Variants in RGMB observed in about 807,000 individuals in gnomAD.
RGMB encodes repulsive guidance molecule BMP co-receptor b.
RGMB carries 16 observed loss-of-function variants against 26.9 expected under a neutral mutation model. The observed-to-expected ratio is 0.60, with a 90% CI of 0.40 to 0.90. The LOEUF (loss-of-function observed/expected upper bound fraction) is 0.90. Ranked by LOEUF, RGMB falls within the 40% of genes least tolerant of loss-of-function variation. The pLI is 0.00. For missense variants in RGMB, 512 were observed against 573.3 expected (o/e 0.89, Z 1.09); for synonymous variants, 225 against 229.3 (o/e 0.98, Z 0.17).
At chr5:98,781,105 T>C (rs1746588954) in intron 2 of RGMB, 1 of 152,238 alleles carries the variant, frequency 6.6e-6, no homozygotes, top group Non-Finnish European at 1.5e-5. Context: ...ACGACTGTTC[T>C]CTTGATTCCA....
chr5:98,779,868 A>G lies in RGMB; in HGVS notation c.425A>G (p.His142Arg). The change falls in exon 2 of 3, where the codon CAC (histidine) becomes CGC (arginine). Residue 142 changes from histidine to arginine, a missense_variant. Transcript: ENST00000513185. The stretch of plus-strand genomic sequence containing the variant: ...GTGACCCATGATCCTTGCAACTATC[A>G]CAGCCACGCTGGAGCCAGGGAACAC... ...PEVTHDPCNY[H>R]SHAGAREHRR... 1 of 1,614,016 alleles carries G rather than the reference A, an allele frequency of 6.2e-7. No individual in the cohort carries two copies. Among genetic ancestry groups the G allele is most frequent in the Non-Finnish European group, 8.5e-7 (1 of 1,179,872 alleles).
intron 2 of RGMB, among the ~76,000 whole-genome samples, chr5:98,782,383 TAA>T (rs1277092592): frequency 6.6e-6 from 1 of 152,090 alleles, no homozygotes; most frequent in Non-Finnish European, 1.5e-5. Context: ...ATAAAAACAA[TAA>T]GAGGCATAAA....
At chr5:98,787,373 G>A (rs780014912) in intron 2 of RGMB, among the ~76,000 whole-genome samples, 2 of 152,232 alleles carry the variant, frequency 1.3e-5, no homozygotes, top group Non-Finnish European at 1.5e-5. Context: ...CCTAGGCCCA[G>A]AGCAGGGCCT....
At chr5:98,784,883 A>T (rs965944526) in intron 2 of RGMB, among the ~76,000 whole-genome samples, 1 of 152,188 alleles carries the variant, frequency 6.6e-6, no homozygotes. Flanking sequence ...AGGGGGACGC[A>T]TGGTATTTGT....
At position 98,793,201 on chromosome 5, in the gene RGMB, T is replaced by A; in HGVS notation, c.762T>A (p.Asp254Glu). ...GCACCACCAGTGGTGGGGACAGCGA[T>A]GCCAAGAGCCTGCGTATCGTGGAAA... ...VDGTTSGGDS[D>E]AKSLRIVERE... The change falls in exon 3 of 3, where the codon GAT becomes GAA. Residue 254 changes from aspartate to glutamate, a missense_variant. Coordinates refer to ENST00000513185, the MANE Select transcript of RGMB (RefSeq NM_001366508.1). 6.2e-7 allele frequency: 1 copy of A among 1,614,052 alleles called. No individual in the cohort carries two copies.
rs941005837 is a variant in RGMB at position 98,794,751 on chromosome 5, A to T, written c.*998A>T. 1.3e-5 allele frequency: 2 copies of T among 152,170 alleles called. No individual in the cohort carries two copies. Among genetic ancestry groups the T allele is most frequent in the Admixed American group, 6.5e-5 (1 of 15,270 alleles). 9.4% of individuals were successfully genotyped at this position (152,170 alleles called of 1,614,324 possible). On this transcript the variant is annotated 3_prime_UTR_variant, in exon 3 of 3. Transcript: ENST00000513185. ...AGCCCTCCTCAGCCTCACCTTACGA[A>T]TCCAAAGAACTGGGGTTTGTTAGGT...
chr5:98,774,771 T>A (rs1346170605), intron 1 of RGMB, among the ~76,000 whole-genome samples: 1 of 152,174 alleles, frequency 6.6e-6, no homozygotes, highest in Non-Finnish European at 1.5e-5. Flanking sequence ...TGGCAAAAGC[T>A]GCGTTTGTTC....
In RGMB at chr5:98,773,677, G is replaced by GCTGCCGCGCAGAGATATCCGGA. The variant is rs1403985912; in HGVS notation, c.-393_-392insTGCCGCGCAGAGATATCCGGAC. The GCTGCCGCGCAGAGATATCCGGA allele has an allele frequency of 6.2e-5, 22 of 356,812 alleles. No individual in the cohort carries two copies. The highest frequency in any genetic ancestry group is 1.4e-4 in the Admixed American group (3 of 21,106). 22.1% of individuals were successfully genotyped at this position (356,812 alleles called of 1,614,324 possible). A position where few individuals can be genotyped will look rare whatever the true frequency, so the allele number is the denominator to read the frequency against. ...GGGGCTGCCGCGCAGAGATATCCGG[G>GCTGCCGCGCAGAGATATCCGGA]CCGCCGGTGGGTGGTCGCTAGGGCT... On this transcript the variant is annotated 5_prime_UTR_variant, in exon 1 of 3. Transcript: ENST00000513185.
At chr5:98,791,235 A>G (rs1369884814) in intron 2 of RGMB, among the ~76,000 whole-genome samples, 1 of 152,166 alleles carries the variant, frequency 6.6e-6, no homozygotes, top group Non-Finnish European at 1.5e-5. Context: ...AAAACCCAGC[A>G]TTTTCATAGT....
rs1262369054 is a variant in RGMB, at chr5:98,796,200, TGGATA to T, written c.*2450_*2454del. The T allele has an allele frequency of 6.6e-6, 1 of 152,206 alleles. No individual in the cohort carries two copies. Among genetic ancestry groups the T allele is most frequent in the Non-Finnish European group, 1.5e-5 (1 of 68,022 alleles). The allele number at this position is 152,206 out of a possible 1,614,324, so 9.4% of individuals were successfully genotyped here. ...AAGAATTTCAGGTCATACCAACATG[TGGATA>T]GGCTATAGCTGTTCAGAGGTCTCCT... is the stretch of plus-strand genomic sequence containing the variant. On this transcript the variant is annotated 3_prime_UTR_variant, in exon 3 of 3. Transcript: ENST00000513185.
rs959515092 is a variant in RGMB at position 98,793,209 on chromosome 5, G to A, written c.770G>A (p.Ser257Asn). The change falls in exon 3 of 3, where the codon AGC becomes AAC. Residue 257 changes from serine to asparagine, a missense_variant. Physicochemically the swap from Ser to Asn is conservative, Grantham distance 46. Coordinates refer to ENST00000513185, the MANE Select transcript of RGMB (RefSeq NM_001366508.1). ...TTSGGDSDAK[S>N]LRIVERESGH... Reference sequence around the variant, plus strand: ...AGTGGTGGGGACAGCGATGCCAAGAGCCTGCGTATCGTGGAAAGGGAGAGT... The same window carrying A: ...AGTGGTGGGGACAGCGATGCCAAGAACCTGCGTATCGTGGAAAGGGAGAGT... 5.6e-6 allele frequency: 9 copies of A among 1,613,934 alleles called. No individual in the cohort carries two copies. Among genetic ancestry groups the A allele is most frequent in the Middle Eastern group, 1.6e-4 (1 of 6,084 alleles).
intron 2 of RGMB, among the ~76,000 whole-genome samples, chr5:98,786,151 T>G (rs543880649): frequency 6.6e-6 from 1 of 152,340 alleles, no homozygotes; most frequent in African/African-American, 2.4e-5. Context: ...AAATTCTGGG[T>G]AATGAGTCTT....
intron 1 of RGMB, among the ~76,000 whole-genome samples, chr5:98,777,267 A>AT (rs1746445881): frequency 6.6e-6 from 1 of 152,176 alleles, no homozygotes; most frequent in Non-Finnish European, 1.5e-5. Flanking sequence ...GCTCGGATAG[A>AT]TTTTATAGAC....
At chr5:98,778,219 T>C (rs2545676) in intron 1 of RGMB, among the ~76,000 whole-genome samples, 69,493 of 152,020 alleles carry the variant, frequency 0.46, 17,230 homozygotes, top group East Asian at 0.7. Flanking sequence ...AATGTTAAAA[T>C]AGCTTTCTAA....
At chr5:98,772,325 T>G (rs1426906985), upstream of RGMB, among the ~76,000 whole-genome samples, 2 of 152,238 alleles carry the variant, frequency 1.3e-5, no homozygotes, top group African/African-American at 2.4e-5. Context: ...TTTGGGCAAT[T>G]CAAAATGTGT....
chr5:98,774,319 G>C (rs965214719), intron 1 of RGMB, 113 bp downstream of exon 1: 39 of 1,113,238 alleles, frequency 3.5e-5, no homozygotes, highest in African/African-American at 1.3e-4. Flanking sequence ...GGCGCAACGG[G>C]AAAGGCCTCC....
chr5:98,782,858 C>A (rs1746651532), intron 2 of RGMB, among the ~76,000 whole-genome samples: 2 of 152,154 alleles, frequency 1.3e-5, no homozygotes, highest in African/African-American at 4.8e-5. Context: ...CCCCCCTTTT[C>A]CTTATCACAA....
At chr5:98,788,490 A>G (rs930746716) in intron 2 of RGMB, among the ~76,000 whole-genome samples, 3 of 152,210 alleles carry the variant, frequency 2.0e-5, no homozygotes, top group African/African-American at 4.8e-5. Context: ...AATATGGCAT[A>G]TATAAAAACT....
rs1007823350 is a variant in RGMB at position 98,795,509 on chromosome 5, C to A, written c.*1756C>A. The stretch of plus-strand genomic sequence containing the variant: ...TGTGAATTCATGTAGAGGTGGCAAA[C>A]CTCTACCTTGTGTTGATGAGAGAAT... On this transcript the variant is annotated 3_prime_UTR_variant, in exon 3 of 3. Coordinates refer to ENST00000513185, the MANE Select transcript of RGMB (RefSeq NM_001366508.1). 36 of 152,170 alleles carry A rather than the reference C, an allele frequency of 2.4e-4. No homozygotes were observed. The highest frequency in any genetic ancestry group is 8.4e-4 in the African/African-American group (35 of 41,436). 9.4% of individuals were successfully genotyped at this position (152,170 alleles called of 1,614,324 possible). A position where few individuals can be genotyped will look rare whatever the true frequency, so the allele number is the denominator to read the frequency against.
Sources: gnomAD v4.1 joint callset for allele counts (sites outside exome capture counted in the v4.1 genomes callset) on GRCh38, gnomAD v4.1.1 for gene constraint, MANE v1.5 for transcripts, NCBI Gene and HGNC (gene_info 2026-07-23, HGNC 2026-07-21) for gene names.